The following ZNF90 variants were observed in gnomAD, a reference collection of about 807,000 sequenced individuals.
ZNF90 encodes the protein zinc finger protein 90, also known as zinc finger protein HTF9.
In ZNF90, 11 loss-of-function variants were observed where a neutral mutation model predicts 12.0. That is an observed-to-expected ratio of 0.92 (90% CI 0.58 to 1.52). The LOEUF (loss-of-function observed/expected upper bound fraction) is 1.52. ZNF90 is among the 40% of genes most tolerant of loss of function. ZNF90 has a pLI of 0.00. For synonymous variants in ZNF90, 232 were observed against 240.1 expected (o/e 0.97, Z 0.31); for missense variants, 765 against 711.5 (o/e 1.08, Z -0.86).
intron 1 of ZNF90, among the ~76,000 whole-genome samples, chr19:20,088,305 A>G (rs1361744780): frequency 6.6e-6 from 1 of 151,982 alleles, no homozygotes; most frequent in Non-Finnish European, 1.5e-5. Flanking sequence ...GATTAAGCTG[A>G]AGGGAGGTCT....
chr19:20,113,853 A>G (rs1246021120), intron 3 of ZNF90, among the ~76,000 whole-genome samples: 1 of 151,916 alleles, frequency 6.6e-6, no homozygotes, highest in Non-Finnish European at 1.5e-5. Flanking sequence ...TTCAACATCA[A>G]TTTCCTTGTG....
intron 3 of ZNF90, among the ~76,000 whole-genome samples, chr19:20,109,427 T>TA (rs1292431922): frequency 6.7e-6 from 1 of 150,252 alleles, no homozygotes; most frequent in Non-Finnish European, 1.5e-5. Context: ...ATAATTAATA[T>TA]ATATTTTTCC....
At chr19:20,113,645 C>T (rs1203756871) in intron 3 of ZNF90, among the ~76,000 whole-genome samples, 5 of 151,920 alleles carry the variant, frequency 3.3e-5, no homozygotes, top group East Asian at 3.9e-4. Flanking sequence ...CTGGCTAACA[C>T]GGTGAAACCC....
intron 3 of ZNF90, among the ~76,000 whole-genome samples, chr19:20,112,484 G>T (rs888449388): frequency 1.3e-5 from 2 of 151,794 alleles, no homozygotes; most frequent in Admixed American, 6.6e-5. Flanking sequence ...ACCACACCTG[G>T]GTAATTTTTG....
intron 1 of ZNF90, among the ~76,000 whole-genome samples, chr19:20,084,705 T>A (rs1373685780): frequency 6.6e-6 from 1 of 152,216 alleles, no homozygotes; most frequent in Non-Finnish European, 1.5e-5. Context: ...TGGTGGTGTC[T>A]CATTGTGATT....
intron 1 of ZNF90, chr19:20,087,311 A>C (rs1455391344): frequency 6.6e-6 from 1 of 152,288 alleles, no homozygotes; most frequent in African/African-American, 2.4e-5. Flanking sequence ...GATGGAGATA[A>C]TGTTTTTCTC....
At position 20,117,862 on chromosome 19, in the gene ZNF90, A is replaced by G. The variant is rs781827789; in HGVS notation, c.308A>G (p.Tyr103Cys). 2 of 1,609,332 alleles carry G rather than the reference A, an allele frequency of 1.2e-6. No homozygotes were observed. The highest frequency in any genetic ancestry group is 1.7e-6 in the Non-Finnish European group (2 of 1,177,794). Residue 103 changes from tyrosine (Y) to cysteine (C), a missense_variant, in exon 4 of 4, where the codon TAT (tyrosine) becomes TGT (cysteine). By Grantham distance (194) the Tyr-to-Cys change is radical. Transcript: ENST00000418063. ...DSFQKVIVTR[Y>C]EKREYGNLEL... is the part of the protein sequence containing the mutation. ...TTCCAAAAAGTGATAGTGACAAGAT[A>G]TGAAAAACGTGAATATGGCAATTTA... is the stretch of plus-strand genomic sequence containing the variant.
intron 1 of ZNF90, among the ~76,000 whole-genome samples, chr19:20,083,151 G>T (rs1252941923): frequency 6.8e-6 from 1 of 147,308 alleles, no homozygotes; most frequent in Non-Finnish European, 1.5e-5. Context: ...TCAGAGACTG[G>T]TGCCGGTGCC....
intron 1 of ZNF90, among the ~76,000 whole-genome samples, chr19:20,090,367 G>A (rs1035034814): frequency 2.6e-5 from 4 of 152,028 alleles, no homozygotes; most frequent in African/African-American, 4.8e-5. Context: ...TCAGAAATAC[G>A]AGTGAGTTTA....
At chr19:20,105,638 C>A (rs1441813739) in intron 3 of ZNF90, among the ~76,000 whole-genome samples, 1 of 152,158 alleles carries the variant, frequency 6.6e-6, no homozygotes, top group Non-Finnish European at 1.5e-5. Flanking sequence ...ACAGAAATAT[C>A]TGCATGACTT....
rs2088810975 is a variant in ZNF90, at chr19:20,080,393, C to G, written c.3+2258C>G. 22 of 414,816 alleles carry G rather than the reference C, an allele frequency of 5.3e-5. 1 individual carries two copies. Among genetic ancestry groups the G allele is most frequent in the South Asian group, 4.8e-4 (22 of 46,112 alleles). The allele number at this position is 414,816 out of a possible 1,614,324, so 25.7% of individuals were successfully genotyped here. A position where few individuals can be genotyped will look rare whatever the true frequency, so the allele number is the denominator to read the frequency against. On this transcript the variant is annotated intron_variant, in intron 1 of 3. Coordinates refer to ENST00000418063, the MANE Select transcript of ZNF90 (RefSeq NM_007138.2). Reference sequence around the variant, plus strand: ...GGGCACCGTATTTCTTCTTACCTCCCCACAAACGGACTGTGTGGATGCGGC... The same window carrying G: ...GGGCACCGTATTTCTTCTTACCTCCGCACAAACGGACTGTGTGGATGCGGC...
chr19:20,086,825 C>G (rs2088863170), intron 1 of ZNF90, among the ~76,000 whole-genome samples: 1 of 152,054 alleles, frequency 6.6e-6, no homozygotes, highest in Non-Finnish European at 1.5e-5. Context: ...TTACTTTATT[C>G]AATAGGGATT....
In ZNF90 at chr19:20,100,757, G is replaced by T. The variant is rs144609938; in HGVS notation, c.4-3482G>T. ...CTAAGAATTCCTAAGCCTAGCTGGGGAAGGTGACTGCACCTGCCTTTAAAC... is the reference window on the plus strand; with the variant it reads ...CTAAGAATTCCTAAGCCTAGCTGGGTAAGGTGACTGCACCTGCCTTTAAAC... On this transcript the variant is annotated intron_variant, in intron 1 of 3. Coordinates refer to ENST00000418063, the MANE Select transcript of ZNF90 (RefSeq NM_007138.2). Among the ~76,000 whole-genome samples, 206 of 152,336 alleles carry T rather than the reference G, an allele frequency of 1.4e-3. 1 individual carries two copies. The highest frequency in any genetic ancestry group is 2.2e-3 in the Non-Finnish European group (153 of 68,032).
intron 1 of ZNF90, among the ~76,000 whole-genome samples, chr19:20,085,255 C>G (rs1399784068): frequency 3.3e-5 from 3 of 92,030 alleles, no homozygotes; most frequent in South Asian, 6.9e-4. Flanking sequence ...CCTCTCTGTT[C>G]TGTTGCATTG....
rs1329905711 is a variant in ZNF90, at chr19:20,120,559, G to T, written c.*1199G>T. Among the ~76,000 whole-genome samples, 1 of 151,958 alleles carries T rather than the reference G, an allele frequency of 6.6e-6. No individual in the cohort carries two copies. Among genetic ancestry groups the T allele is most frequent in the Non-Finnish European group, 1.5e-5 (1 of 67,962 alleles). On this transcript the variant is annotated 3_prime_UTR_variant, in exon 4 of 4. Transcript: ENST00000418063. ...ACAGCTTAGAAAACACCAGAGAGTT[G>T]ATACTAAAATATATGTTTGCAGAAA...
At chr19:20,103,544 T>G (rs907088993) in intron 1 of ZNF90, among the ~76,000 whole-genome samples, 1 of 152,212 alleles carries the variant, frequency 6.6e-6, no homozygotes, top group Non-Finnish European at 1.5e-5. Flanking sequence ...ACAGATTTCT[T>G]TCACTATAGA....
In ZNF90 at chr19:20,119,205, C is replaced by G; in HGVS notation, c.1651C>G (p.Gln551Glu). The G allele has an allele frequency of 1.9e-6, 3 of 1,613,048 alleles. No individual in the cohort carries two copies. The highest frequency in any genetic ancestry group is 2.5e-6 in the Non-Finnish European group (3 of 1,179,728). ...ECGKAFKRSSQLTSHKISHTG... is the reference protein window; with the variant it reads ...ECGKAFKRSSELTSHKISHTG... ...TGGCAAAGCCTTTAAGCGCTCCTCA[C>G]AGCTTACTAGTCATAAGATAAGTCA... The change falls in exon 4 of 4, where the codon CAG (glutamine) becomes GAG (glutamate). Residue 551 changes from glutamine to glutamate, a missense_variant. Gln to Glu is a conservative substitution (Grantham distance 29). Coordinates refer to ENST00000418063, the MANE Select transcript of ZNF90 (RefSeq NM_007138.2).
At position 20,119,516 on chromosome 19, in the gene ZNF90, CAA is replaced by C; in HGVS notation, c.*158_*159del. Reference sequence around the variant, plus strand: ...ACTCCTACAAAAATAAAGAATGTGACAAATCATTTTAAGGAAGTTCTCAACCC... The same window carrying C: ...ACTCCTACAAAAATAAAGAATGTGACATCATTTTAAGGAAGTTCTCAACCC... On this transcript the variant is annotated 3_prime_UTR_variant, in exon 4 of 4. Transcript: ENST00000418063. 3 of 704,348 alleles carry C rather than the reference CAA, an allele frequency of 4.3e-6. No homozygotes were observed. The highest frequency in any genetic ancestry group is 2.1e-5 in the South Asian group (1 of 46,754). 43.6% of individuals were successfully genotyped at this position (704,348 alleles called of 1,614,324 possible). A position where few individuals can be genotyped will look rare whatever the true frequency, so the allele number is the denominator to read the frequency against.
intron 3 of ZNF90, among the ~76,000 whole-genome samples, chr19:20,112,496 A>C (rs2089098453): frequency 6.6e-6 from 1 of 151,740 alleles, no homozygotes; most frequent in African/African-American, 2.4e-5. Context: ...TAATTTTTGC[A>C]TTTTTAGTAG....
Sources: allele counts gnomAD v4.1 joint callset (sites outside exome capture counted in the v4.1 genomes callset), GRCh38; gene constraint gnomAD v4.1.1; transcripts MANE v1.5; gene names NCBI Gene and HGNC (gene_info 2026-07-23, HGNC 2026-07-21).